AZIN2: variants seen among roughly 807,000 people sequenced by gnomAD.
AZIN2 encodes the protein antizyme inhibitor 2.
AZIN2 carries 28 observed loss-of-function variants against 47.8 expected under a neutral mutation model. The observed-to-expected ratio is 0.59, with a 90% CI of 0.43 to 0.80. AZIN2 has a LOEUF of 0.80. Ranked by LOEUF, AZIN2 falls within the 30% of genes least tolerant of loss-of-function variation. The pLI, the probability that AZIN2 is intolerant of heterozygous loss-of-function variation, is 0.00. For missense variants in AZIN2, 535 were observed against 582.5 expected, an observed-to-expected ratio of 0.92 and a Z score of 0.84; for synonymous variants, 221 against 239.4, an observed-to-expected ratio of 0.92 and a Z score of 0.71.
At chr1:33,140,027 C>T in the AZIN2 span, among the ~76,000 whole-genome samples, 7 of 152,124 alleles carry the variant, frequency 4.6e-5, no homozygotes, top group South Asian at 2.1e-4. The surrounding 1 kb of genome is among the most constrained non-coding windows in gnomAD (Gnocchi z 4.0). Context: ...TGAGGAACAC[C>T]GGAGGGTAAA....
At chr1:33,099,430 C>A (rs1437496642) in intron 10 of AZIN2, among the ~76,000 whole-genome samples, 1 of 152,234 alleles carries the variant, frequency 6.6e-6, no homozygotes, top group Non-Finnish European at 1.5e-5. Flanking sequence ...ACTAGCATTG[C>A]CTGCATTCTT....
the AZIN2 span, among the ~76,000 whole-genome samples, chr1:33,154,689 T>C: frequency 1.3e-5 from 2 of 151,600 alleles, no homozygotes; most frequent in South Asian, 2.1e-4. Context: ...TCCCAGCTAC[T>C]TGGGAGGCCG....
intron 10 of AZIN2, among the ~76,000 whole-genome samples, chr1:33,109,327 C>CTTTTTTTTTTTTTT (rs1231170138): frequency 7.2e-6 from 1 of 138,012 alleles, no homozygotes; most frequent in Non-Finnish European, 1.6e-5. Context: ...TTTTCTTTTT[C>CTTTTTTTTTTTTTT]TTTTTTTTTT....
intron 8 of AZIN2, 146 bp downstream of exon 8, chr1:33,094,859 T>A: frequency 2.3e-6 from 2 of 885,406 alleles, no homozygotes; most frequent in Non-Finnish European, 3.4e-6. Flanking sequence ...CACTGCTTAT[T>A]AACCCTGTGC....
chr1:33,118,722 G>T (rs577318212), intron 11 of AZIN2: 1 of 152,498 alleles, frequency 6.6e-6, no homozygotes, highest in East Asian at 1.9e-4. Context: ...ACACAGGAGA[G>T]ACTTGGTCTG....
the AZIN2 span, among the ~76,000 whole-genome samples, chr1:33,130,549 T>G: frequency 2.0e-5 from 3 of 152,124 alleles, no homozygotes; most frequent in Admixed American, 6.5e-5. Context: ...AGCTTGAAAG[T>G]AGATCCTCCC....
At chr1:33,087,134 A>ATTTT (rs57034814) in intron 5 of AZIN2, among the ~76,000 whole-genome samples, 1 of 142,694 alleles carries the variant, frequency 7.0e-6, no homozygotes, top group Admixed American at 7.1e-5. Context: ...GATATGTAGT[A>ATTTT]TTTTTTTTTT....
chr1:33,095,566 G>A (rs902449855), intron 8 of AZIN2, among the ~76,000 whole-genome samples: 1 of 152,102 alleles, frequency 6.6e-6, no homozygotes, highest in Admixed American at 6.5e-5. Flanking sequence ...GATAGACTTT[G>A]GAGTGACTTT....
chr1:33,164,726 C>T, the AZIN2 span: 8 of 152,268 alleles, frequency 5.3e-5, no homozygotes, highest in Non-Finnish European at 1.2e-4. Flanking sequence ...TGGAGGGCTT[C>T]GAGGGGACAT....
the AZIN2 span, among the ~76,000 whole-genome samples, chr1:33,148,908 C>T: frequency 6.6e-6 from 1 of 152,150 alleles, no homozygotes; most frequent in Non-Finnish European, 1.5e-5. Context: ...ATTGGCAGAG[C>T]CAGGACTAAC....
Position 33,123,285 on chromosome 1 carries a change from A to T in AZIN2, c.*3103A>T, listed in dbSNP as rs1160849749. ...ACCACCACTCAACATACTCTATAACATAACTCCATAATGTGTTCCATAACA... is the reference window on the plus strand; with the variant it reads ...ACCACCACTCAACATACTCTATAACTTAACTCCATAATGTGTTCCATAACA... On this transcript the variant is annotated 3_prime_UTR_variant, in exon 12 of 12. Transcript: ENST00000294517. Among the ~76,000 whole-genome samples, 1 of 152,208 alleles carries T rather than the reference A, an allele frequency of 6.6e-6. No homozygotes were observed. Among genetic ancestry groups the T allele is most frequent in the East Asian group, 1.9e-4 (1 of 5,206 alleles).
the AZIN2 span, among the ~76,000 whole-genome samples, chr1:33,148,340 T>A: frequency 9.3e-4 from 142 of 152,220 alleles, no homozygotes; most frequent in African/African-American, 3.3e-3. Flanking sequence ...AAACATGAAA[T>A]TTTTTTTGCA....
the AZIN2 span, among the ~76,000 whole-genome samples, chr1:33,144,673 T>G: frequency 2.6e-5 from 4 of 152,250 alleles, no homozygotes; most frequent in Non-Finnish European, 5.9e-5. Context: ...CTTTTCCACT[T>G]AAGTGTGCAC....
intron 11 of AZIN2, chr1:33,119,409 C>T (rs1644713348): frequency 6.4e-6 from 1 of 156,150 alleles, no homozygotes; most frequent in Non-Finnish European, 1.4e-5. Flanking sequence ...TGGTGTTACC[C>T]ATGGGGATGG....
At chr1:33,133,099 G>A in the AZIN2 span, among the ~76,000 whole-genome samples, 1 of 152,232 alleles carries the variant, frequency 6.6e-6, no homozygotes, top group African/African-American at 2.4e-5. Context: ...GAGACACTGT[G>A]GGGTCGAGGG....
chr1:33,148,422 T>C, the AZIN2 span, among the ~76,000 whole-genome samples: 1 of 152,166 alleles, frequency 6.6e-6, no homozygotes, highest in Non-Finnish European at 1.5e-5. Flanking sequence ...TTTGTTTTGT[T>C]TGGAACTTCC....
chr1:33,096,712 T>G lies in AZIN2; in HGVS notation c.759T>G (p.Ala253=). The G allele has an allele frequency of 6.2e-7, 1 of 1,614,250 alleles. No individual in the cohort carries two copies. Among genetic ancestry groups the G allele is most frequent in the Admixed American group, 1.7e-5 (1 of 60,030 alleles). ...EGAKVRFEEI[A]SVINSALDLY... is the part of the protein sequence containing the mutation. Reference sequence around the variant, plus strand: ...CCCCATTCTCCTCCTACCAGATTGCTTCCGTGATCAACTCAGCCTTGGACC... The same window carrying G: ...CCCCATTCTCCTCCTACCAGATTGCGTCCGTGATCAACTCAGCCTTGGACC... Residue 253 remains alanine (A), a synonymous_variant, in exon 9 of 12, where the codon GCT becomes GCG. Coordinates refer to ENST00000294517, the MANE Select transcript of AZIN2 (RefSeq NM_052998.4).
In AZIN2 at chr1:33,100,564, CGTGT is replaced by C. The variant is rs57021036; in HGVS notation, c.1029+2407_1029+2410del. Among the ~76,000 whole-genome samples the C allele has an allele frequency of 4.9e-4, 73 of 148,304 alleles. No homozygotes were observed. The East Asian group carries it at 6.1e-3, about 12-fold the overall frequency. On this transcript the variant is annotated intron_variant, in intron 10 of 11. Coordinates refer to ENST00000294517, the MANE Select transcript of AZIN2 (RefSeq NM_052998.4). ...AGTACAGTCCTGTTGGATAGAAACA[CGTGT>C]GTGTGTGTGTGTGTGTGTGTGATTA...
the AZIN2 span, among the ~76,000 whole-genome samples, chr1:33,131,434 C>T: frequency 6.6e-6 from 1 of 152,144 alleles, no homozygotes; most frequent in African/African-American, 2.4e-5. Flanking sequence ...TGTTAGCCAC[C>T]GGCTTCCTGT....
Sources: allele counts gnomAD v4.1 joint callset (sites outside exome capture counted in the v4.1 genomes callset), GRCh38; gene constraint gnomAD v4.1.1; non-coding constraint Gnocchi (gnomAD v3.1); transcripts MANE v1.5; gene names NCBI Gene and HGNC (gene_info 2026-07-23, HGNC 2026-07-21).